LRRTM3: variants seen among roughly 807,000 people sequenced by gnomAD.
LRRTM3 encodes leucine-rich repeat transmembrane neuronal protein 3.
LRRTM3 carries 24 observed loss-of-function variants against 44.7 expected under a neutral mutation model. That is an observed-to-expected ratio of 0.54 (90% CI 0.39 to 0.76). The LOEUF is 0.76. LRRTM3 is among the 30% of genes least tolerant of loss of function. LRRTM3 has a pLI of 0.00. For synonymous variants in LRRTM3, 277 were observed against 278.7 expected (o/e 0.99, Z 0.06); for missense variants, 587 against 702.2 (o/e 0.84, Z 1.85).
At chr10:67,033,687 A>C (rs1398330062) in intron 2 of LRRTM3, among the ~76,000 whole-genome samples, 5 of 152,236 alleles carry the variant, frequency 3.3e-5, no homozygotes, top group African/African-American at 4.8e-5. Flanking sequence ...ACTGAGGTAC[A>C]GACAGATCCT....
At chr10:67,077,884 A>T (rs1008721156) in intron 2 of LRRTM3, among the ~76,000 whole-genome samples, 7 of 152,216 alleles carry the variant, frequency 4.6e-5, no homozygotes, top group African/African-American at 1.7e-4. Flanking sequence ...AAATCTTTTT[A>T]TCTAGATTTC....
intron 2 of LRRTM3, chr10:67,054,704 T>A (rs1855318761): frequency 6.6e-6 from 1 of 152,162 alleles, no homozygotes; most frequent in South Asian, 2.1e-4. Context: ...CTGGCACCAC[T>A]TACTCTTGTT....
chr10:67,028,481 G>A (rs540754618), intron 2 of LRRTM3, among the ~76,000 whole-genome samples: 1 of 151,938 alleles, frequency 6.6e-6, no homozygotes, highest in Non-Finnish European at 1.5e-5. Flanking sequence ...ACTTGAGAGT[G>A]GATGGCATCT....
chr10:66,926,813 TA>T, intron 1 of LRRTM3, 107 bp from the exon 2 acceptor site: 1 of 1,033,590 alleles, frequency 9.7e-7, no homozygotes, highest in Non-Finnish European at 1.4e-6. Context: ...TGTTAAGTGT[TA>T]TTTAGATTTA....
intron 2 of LRRTM3, among the ~76,000 whole-genome samples, chr10:67,056,585 C>T (rs1455771203): frequency 6.6e-6 from 1 of 152,130 alleles, no homozygotes; most frequent in African/African-American, 2.4e-5. Flanking sequence ...CACTCACAAA[C>T]TTTCTAAAAT....
chr10:66,934,113 A>G (rs1462801282), intron 2 of LRRTM3, among the ~76,000 whole-genome samples: 1 of 152,182 alleles, frequency 6.6e-6, no homozygotes, highest in Non-Finnish European at 1.5e-5. Context: ...CCAAGCAAGT[A>G]CAATGTATTT....
intron 2 of LRRTM3, among the ~76,000 whole-genome samples, chr10:67,031,379 A>G (rs1177305452): frequency 6.6e-6 from 1 of 152,168 alleles, no homozygotes; most frequent in East Asian, 1.9e-4. Context: ...ATCTAAGAAT[A>G]TCATTCTTCG....
chr10:66,967,469 G>A (rs1379760750), intron 2 of LRRTM3, among the ~76,000 whole-genome samples: 8 of 151,202 alleles, frequency 5.3e-5, no homozygotes, highest in African/African-American at 1.9e-4. Context: ...ATCAATAATG[G>A]TCCCATCTGG....
Position 66,927,992 on chromosome 10 carries a change from G to GC in LRRTM3, c.1077dup (p.Ile360HisfsTer11). On this transcript the variant is annotated frameshift_variant, in exon 2 of 3. Transcript: ENST00000361320. LOFTEE classifies it high-confidence loss of function. This position sits in a 1 kb window ranked among gnomAD's most constrained non-coding sequence, Gnocchi z 4.7. The stretch of plus-strand genomic sequence containing the variant: ...GTGATCGATGCAGTGAAGAACTACA[G>GC]CATCTGTGGCAAAAGTACTACAGAG... 1 of 1,614,216 alleles carries GC rather than the reference G, an allele frequency of 6.2e-7. No individual in the cohort carries two copies. Among genetic ancestry groups the GC allele is most frequent in the Non-Finnish European group, 8.5e-7 (1 of 1,180,048 alleles).
chr10:67,043,972 T>G (rs1554904670), intron 2 of LRRTM3, among the ~76,000 whole-genome samples: 1 of 136,460 alleles, frequency 7.3e-6, no homozygotes, highest in Non-Finnish European at 1.7e-5. Flanking sequence ...ATTCAGGGGG[T>G]ACATGGACAG....
intron 2 of LRRTM3, chr10:67,054,577 A>G (rs1481379833): frequency 6.6e-6 from 1 of 152,156 alleles, no homozygotes; most frequent in African/African-American, 2.4e-5. Flanking sequence ...GAAAAGGGCA[A>G]TGCTCATATG....
chr10:66,958,308 C>CAAAAA (rs35076056), intron 2 of LRRTM3, among the ~76,000 whole-genome samples: 1 of 86,944 alleles, frequency 1.2e-5, no homozygotes, highest in Non-Finnish European at 2.4e-5. Flanking sequence ...TGCTTTCTTG[C>CAAAAA]AAAAAAAAAA....
rs1200330093 is a variant in LRRTM3, at chr10:67,100,252, A to G, written c.*2456A>G. On this transcript the variant is annotated 3_prime_UTR_variant, in exon 3 of 3. Transcript: ENST00000361320. ...AAGTGAACGACTATAAATAGAAGCA[A>G]TCACCTTGGAACCACAGCTCTGTGC... 1.3e-5 allele frequency among the ~76,000 whole-genome samples: 2 copies of G among 151,712 alleles called. No homozygotes were observed. The highest frequency in any genetic ancestry group is 3.9e-4 in the East Asian group (2 of 5,164).
At chr10:66,986,973 C>T (rs117557585) in intron 2 of LRRTM3, among the ~76,000 whole-genome samples, 3,403 of 152,160 alleles carry the variant, frequency 0.022, 61 homozygotes, top group Non-Finnish European at 0.034. Context: ...GAATGGGCCT[C>T]ACTAATAAGC....
Position 66,983,143 on chromosome 10 carries a change from G to T in LRRTM3, c.1536+54691G>T, listed in dbSNP as rs921457869. Reference sequence around the variant, plus strand: ...GTCAGCAGGACTTAAAAACTAATGAGCAAATTTTTTTATTATTATTTTTGA... The same window carrying T: ...GTCAGCAGGACTTAAAAACTAATGATCAAATTTTTTTATTATTATTTTTGA... On this transcript the variant is annotated intron_variant, in intron 2 of 2. Transcript: ENST00000361320. Among the ~76,000 whole-genome samples the T allele has an allele frequency of 5.3e-5, 8 of 152,132 alleles. 1 individual carries two copies. Among genetic ancestry groups the T allele is most frequent in the Admixed American group, 5.2e-4 (8 of 15,266 alleles).
At chr10:66,963,806 T>A (rs1849252180) in intron 2 of LRRTM3, among the ~76,000 whole-genome samples, 1 of 151,822 alleles carries the variant, frequency 6.6e-6, no homozygotes, top group Admixed American at 6.6e-5. Flanking sequence ...TGTTGCCCCA[T>A]TCTCAAGGAT....
chr10:67,082,949 G>A (rs1455010641), intron 2 of LRRTM3, among the ~76,000 whole-genome samples: 1 of 152,100 alleles, frequency 6.6e-6, no homozygotes, highest in African/African-American at 2.4e-5. Context: ...GTGCTCATGA[G>A]GCATTAACTG....
intron 2 of LRRTM3, among the ~76,000 whole-genome samples, chr10:67,009,963 C>A (rs1852221074): frequency 6.6e-6 from 1 of 152,156 alleles, no homozygotes; most frequent in South Asian, 2.1e-4. Flanking sequence ...AGAACCCTGT[C>A]ATTCTAGTAT....
At chr10:67,004,573 T>C (rs939676834) in intron 2 of LRRTM3, among the ~76,000 whole-genome samples, 1 of 152,172 alleles carries the variant, frequency 6.6e-6, no homozygotes, top group Non-Finnish European at 1.5e-5. Context: ...AAACCATCAT[T>C]ATTGCCTGTA....
Sources: gnomAD v4.1 joint callset for allele counts (sites outside exome capture counted in the v4.1 genomes callset) on GRCh38, gnomAD v4.1.1 for gene constraint, Gnocchi (gnomAD v3.1) non-coding constraint, MANE v1.5 for transcripts, NCBI Gene and HGNC (gene_info 2026-07-23, HGNC 2026-07-21) for gene names.